PYHIN1: variants seen among roughly 807,000 people sequenced by gnomAD.
The protein encoded by PYHIN1 is pyrin and HIN domain family member 1, also known as pyrin and HIN domain-containing protein 1.
Under a neutral mutation model 43.7 loss-of-function variants are expected in PYHIN1, and 32 were observed. The observed-to-expected ratio is 0.73, with a 90% CI of 0.55 to 0.98. PYHIN1 has a LOEUF of 0.98. Among genes scored for constraint, PYHIN1 ranks in the 50% least tolerant of loss-of-function variants. The pLI, the probability that PYHIN1 is intolerant of heterozygous loss-of-function variation, is 0.00. For synonymous variants in PYHIN1, 205 were observed against 203.1 expected, an observed-to-expected ratio of 1.01 and a Z score of -0.08; for missense variants, 588 against 589.5, an observed-to-expected ratio of 1.00 and a Z score of 0.03.
chr1:158,986,080 T>A, the PYHIN1 span, among the ~76,000 whole-genome samples: 1 of 152,216 alleles, frequency 6.6e-6, no homozygotes, highest in Middle Eastern at 3.2e-3. Context: ...CTTAGATTCC[T>A]TTGATTGGGT....
the PYHIN1 span, among the ~76,000 whole-genome samples, chr1:158,988,451 A>G: frequency 1.1e-4 from 17 of 152,204 alleles, no homozygotes; most frequent in Admixed American, 6.5e-5. Context: ...TCAAAGAGAA[A>G]GCCTCTATGA....
chr1:158,985,567 CTT>C, the PYHIN1 span, among the ~76,000 whole-genome samples: 9 of 152,130 alleles, frequency 5.9e-5, no homozygotes, highest in Admixed American at 5.9e-4. Flanking sequence ...TGCCTCTTCT[CTT>C]TTGCTGCCTT....
chr1:158,946,460 G>T (rs755717483), intron 7 of PYHIN1, among the ~76,000 whole-genome samples: 12 of 152,244 alleles, frequency 7.9e-5, no homozygotes, highest in Non-Finnish European at 1.8e-4. Context: ...ACAGCCCTGA[G>T]GATTCTGGCT....
chr1:158,986,436 C>G, the PYHIN1 span, among the ~76,000 whole-genome samples: 1 of 152,176 alleles, frequency 6.6e-6, no homozygotes. Flanking sequence ...TAGGCCAACA[C>G]CTTTTTTTCT....
chr1:158,962,716 AGAG>A (rs1243775007), intron 7 of PYHIN1, among the ~76,000 whole-genome samples: 1 of 152,152 alleles, frequency 6.6e-6, no homozygotes, highest in Non-Finnish European at 1.5e-5. Flanking sequence ...CGAGCATTGG[AGAG>A]GAGTCCAGTC....
At chr1:158,979,870 T>C (rs1651428892), downstream of PYHIN1, among the ~76,000 whole-genome samples, 1 of 152,164 alleles carries the variant, frequency 6.6e-6, no homozygotes, top group Admixed American at 6.6e-5. Context: ...TTTTTCAGTC[T>C]TCACCCTCCT....
At chr1:158,957,548 C>T (rs1489856183) in intron 7 of PYHIN1, among the ~76,000 whole-genome samples, 1 of 150,328 alleles carries the variant, frequency 6.7e-6, no homozygotes, top group South Asian at 2.1e-4. Flanking sequence ...AACTGGCTAG[C>T]CATATGTAGA....
intron 1 of PYHIN1, among the ~76,000 whole-genome samples, chr1:158,934,848 G>A (rs1648420316): frequency 6.6e-6 from 1 of 152,120 alleles, no homozygotes; most frequent in African/African-American, 2.4e-5. Context: ...TCAGCCTCCT[G>A]AGTAGCTTGG....
At chr1:158,964,290 T>A (rs1315832673) in intron 7 of PYHIN1, among the ~76,000 whole-genome samples, 2 of 152,184 alleles carry the variant, frequency 1.3e-5, no homozygotes, top group Non-Finnish European at 2.9e-5. Context: ...AGCAAACACC[T>A]TTAAAACATA....
intron 1 of PYHIN1, among the ~76,000 whole-genome samples, chr1:158,935,640 A>C (rs938557905): frequency 6.6e-6 from 1 of 152,206 alleles, no homozygotes; most frequent in Admixed American, 6.5e-5. Context: ...TGACAAGAGA[A>C]GAGTTAAGGA....
At chr1:158,959,269 T>A (rs1650181061) in intron 7 of PYHIN1, among the ~76,000 whole-genome samples, 1 of 152,124 alleles carries the variant, frequency 6.6e-6, no homozygotes, top group Non-Finnish European at 1.5e-5. Context: ...CCAAGGAAGG[T>A]GCTGTAAAGA....
intron 4 of PYHIN1, 57 bp downstream of exon 4, chr1:158,939,304 C>A: frequency 6.3e-7 from 1 of 1,582,590 alleles, no homozygotes; most frequent in Non-Finnish European, 8.6e-7. Context: ...ATGTAGGAAT[C>A]TGATTTCATC....
chr1:158,979,910 G>A (rs1424881906), downstream of PYHIN1, among the ~76,000 whole-genome samples: 1 of 152,100 alleles, frequency 6.6e-6, no homozygotes. Flanking sequence ...TAAACCACCA[G>A]TGTCTATTGT....
the PYHIN1 span, among the ~76,000 whole-genome samples, chr1:158,990,224 T>G: frequency 6.7e-6 from 1 of 150,248 alleles, no homozygotes; most frequent in Non-Finnish European, 1.5e-5. Flanking sequence ...AGAAACAAGG[T>G]GATCACCTTG....
chr1:158,938,830 G>T (rs1648722148), intron 3 of PYHIN1, among the ~76,000 whole-genome samples: 1 of 152,100 alleles, frequency 6.6e-6, no homozygotes, highest in Admixed American at 6.5e-5. Flanking sequence ...GTTTACAAAA[G>T]CCTAGTTTCT....
intron 7 of PYHIN1, among the ~76,000 whole-genome samples, chr1:158,957,286 C>T (rs1229216294): frequency 7.1e-4 from 107 of 151,418 alleles, no homozygotes; most frequent in South Asian, 5.3e-3. Flanking sequence ...AAAAAGAGCC[C>T]GCATTGCCAA....
At position 158,943,673 on chromosome 1, in the gene PYHIN1, G is replaced by C. The variant is rs1017951973; in HGVS notation, c.1003-117G>C. 1.4e-4 allele frequency: 88 copies of C among 608,130 alleles called. 1 individual carries two copies. Among genetic ancestry groups the C allele is most frequent in the Non-Finnish European group, 1.3e-4 (47 of 349,770 alleles). 37.7% of individuals were successfully genotyped at this position (608,130 alleles called of 1,614,324 possible). On this transcript the variant is annotated intron_variant, in intron 5 of 8. Transcript: ENST00000368140. ...GACTAAGGCATATGTATTGTATGTC[G>C]ATACAGTACTAGGAGTTGCTGTCTT...
At chr1:158,977,824 C>T (rs1029822013), downstream of PYHIN1, among the ~76,000 whole-genome samples, 4 of 152,192 alleles carry the variant, frequency 2.6e-5, no homozygotes, top group African/African-American at 7.2e-5. Flanking sequence ...GATTTAACAT[C>T]CAGGTCTGTT....
chr1:158,950,776 T>C (rs182929426), intron 7 of PYHIN1, among the ~76,000 whole-genome samples: 1,583 of 152,276 alleles, frequency 0.01, 34 homozygotes, highest in African/African-American at 0.037. Flanking sequence ...AGTCGGCACG[T>C]TCTACCATGG....
Sources: allele counts gnomAD v4.1 joint callset (sites outside exome capture counted in the v4.1 genomes callset), GRCh38; gene constraint gnomAD v4.1.1; transcripts MANE v1.5; gene names NCBI Gene and HGNC (gene_info 2026-07-23, HGNC 2026-07-21).